CKAP5: variants seen among roughly 807,000 people sequenced by gnomAD.
CKAP5 encodes the protein cytoskeleton-associated protein 5.
A neutral mutation model predicts 232.8 loss-of-function variants in CKAP5; 27 were observed. The ratio of observed to expected loss-of-function variants is 0.12; its 90% CI spans 0.09 to 0.16. The LOEUF (loss-of-function observed/expected upper bound fraction) is 0.16, where lower values mean the gene tolerates loss of function less well. Ranked by LOEUF, CKAP5 falls within the 10% of genes least tolerant of loss-of-function variation. The pLI is 1.00. For synonymous variants in CKAP5, 785 were observed against 841.1 expected, an observed-to-expected ratio of 0.93 and a Z score of 1.16; for missense variants, 1,838 against 2,424.7, an observed-to-expected ratio of 0.76 and a Z score of 5.08.
Position 46,776,222 on chromosome 11 carries a change from G to A in CKAP5, c.2991+33C>T, listed in dbSNP as rs370071039. ...AAGCCCCTATGGAAGTAAATGACATGAGTAATGCACATGATTAATTTATGA... is the reference window on the plus strand; with the variant it reads ...AAGCCCCTATGGAAGTAAATGACATAAGTAATGCACATGATTAATTTATGA... On this transcript the variant is annotated intron_variant, in intron 24 of 43. Transcript: ENST00000529230. 6 of 1,601,402 alleles carry A rather than the reference G, an allele frequency of 3.7e-6. No individual in the cohort carries two copies. In the African/African-American group the frequency reaches 4.0e-5, roughly 11 times the overall value.
intron 1 of CKAP5, among the ~76,000 whole-genome samples, chr11:46,836,516 C>T (rs1483108244): frequency 1.3e-5 from 2 of 151,924 alleles, no homozygotes; most frequent in African/African-American, 4.8e-5. Context: ...AGTTTGAGAC[C>T]AGCCTGGTCA....
intron 8 of CKAP5, among the ~76,000 whole-genome samples, chr11:46,805,264 G>GA (rs1402247315): frequency 1.3e-5 from 2 of 151,344 alleles, no homozygotes; most frequent in Non-Finnish European, 3.0e-5. Flanking sequence ...AAAAATAATA[G>GA]AAAAAAAAGA....
At chr11:46,830,440 C>CAAAAAAAA (rs71042623) in intron 1 of CKAP5, among the ~76,000 whole-genome samples, 1 of 67,932 alleles carries the variant, frequency 1.5e-5, no homozygotes, top group African/African-American at 5.7e-5. Flanking sequence ...GACTCCGTCT[C>CAAAAAAAA]AAAAAAAAAA....
At chr11:46,820,560 G>A (rs1939502409) in intron 2 of CKAP5, 1 of 152,058 alleles carries the variant, frequency 6.6e-6, no homozygotes, top group African/African-American at 2.4e-5. Flanking sequence ...AAATTTACAA[G>A]AAGAAATGAA....
Position 46,767,563 on chromosome 11 carries a change from G to A in CKAP5, c.3411+12C>T. On this transcript the variant is annotated intron_variant, in intron 27 of 43. Transcript: ENST00000529230. ...AAGCAAGTCTACATCGAAGTATACA[G>A]AGTTAACATACCTTTGCTTTAGAGG... 6.4e-7 allele frequency: 1 copy of A among 1,573,552 alleles called. No homozygotes were observed.
At chr11:46,770,218 A>T (rs958811770) in intron 25 of CKAP5, 120 bp from the exon 26 acceptor site, 2 of 987,180 alleles carry the variant, frequency 2.0e-6, no homozygotes, top group Non-Finnish European at 3.1e-6. Context: ...AATACCACTG[A>T]AGTAAGGGAG....
At chr11:46,796,030 T>C (rs537748606) in intron 12 of CKAP5, among the ~76,000 whole-genome samples, 1 of 152,112 alleles carries the variant, frequency 6.6e-6, no homozygotes, top group East Asian at 1.9e-4. Flanking sequence ...CCGGGCGTGG[T>C]GGCAGGCGCC....
chr11:46,809,178 A>G (rs1939220742), intron 7 of CKAP5, among the ~76,000 whole-genome samples: 1 of 152,114 alleles, frequency 6.6e-6, no homozygotes, highest in African/African-American at 2.4e-5. Context: ...GGAAGTCAAG[A>G]ATGTTCTGGT....
At chr11:46,781,979 C>T (rs1444776226) in intron 18 of CKAP5, among the ~76,000 whole-genome samples, 1 of 152,104 alleles carries the variant, frequency 6.6e-6, no homozygotes, top group Admixed American at 6.6e-5. Context: ...GCGTACACCA[C>T]CACACCCAGC....
Position 46,776,909 on chromosome 11 carries a change from G to A in CKAP5, c.2863-526C>T, listed in dbSNP as rs143086073. Among the ~76,000 whole-genome samples the A allele has an allele frequency of 2.0e-3, 301 of 151,920 alleles. 1 individual carries two copies. The highest frequency in any genetic ancestry group is 3.0e-3 in the Non-Finnish European group (201 of 67,962). ...AGAGATATTCAAATATTTAGTCTAC[G>A]GCTAAACATTGTAACCTTCAATGAT... On this transcript the variant is annotated intron_variant, in intron 23 of 43. Coordinates refer to ENST00000529230, the MANE Select transcript of CKAP5 (RefSeq NM_001008938.4).
intron 31 of CKAP5, 37 bp downstream of exon 31, chr11:46,762,590 C>G: frequency 6.2e-7 from 1 of 1,611,864 alleles, no homozygotes; most frequent in Non-Finnish European, 8.5e-7. Context: ...GCTACTGCTG[C>G]AGAGATTCAC....
intron 15 of CKAP5, 125 bp downstream of exon 15, chr11:46,789,951 T>C: frequency 1.7e-6 from 1 of 591,888 alleles, no homozygotes; most frequent in Non-Finnish European, 3.0e-6. Context: ...ACCTCATCTT[T>C]AATGCCATAA....
At chr11:46,797,751 A>C (rs950538259) in intron 11 of CKAP5, 54 bp downstream of exon 11, 147 of 1,532,622 alleles carry the variant, frequency 9.6e-5, no homozygotes, top group Middle Eastern at 1.7e-4. Context: ...ATTTGCAGGA[A>C]AAGAATCTTG....
At chr11:46,798,358 T>TGAGGCAAGGAGTTCAAGACCAGCC (rs1938941905) in intron 9 of CKAP5, among the ~76,000 whole-genome samples, 186 bp from the exon 10 acceptor site, 1 of 152,022 alleles carries the variant, frequency 6.6e-6, no homozygotes, top group South Asian at 2.1e-4. Context: ...GTGGGTTGCT[T>TGAGGCAAGGAGTTCAAGACCAGCC]GAGGCAAGGA....
At chr11:46,798,008 T>A in intron 10 of CKAP5, 39 bp from the exon 11 acceptor site, 1 of 1,605,340 alleles carries the variant, frequency 6.2e-7, no homozygotes, top group Non-Finnish European at 8.5e-7. Context: ...TTTTTTCAAT[T>A]GTAAAGAACA....
chr11:46,772,747 T>C (rs28825976), intron 24 of CKAP5, among the ~76,000 whole-genome samples: 1 of 151,200 alleles, frequency 6.6e-6, no homozygotes, highest in South Asian at 2.1e-4. Flanking sequence ...TTTTTTTTTG[T>C]TTTTTTGTTT....
chr11:46,755,112 C>T (rs751385472), intron 35 of CKAP5, 45 bp from the exon 36 acceptor site: 1 of 1,473,414 alleles, frequency 6.8e-7, no homozygotes, highest in Non-Finnish European at 9.2e-7. Flanking sequence ...CTTCATACTT[C>T]TAAAATAGCG....
chr11:46,745,579 T>C (rs1374573903), intron 42 of CKAP5, among the ~76,000 whole-genome samples: 2 of 152,200 alleles, frequency 1.3e-5, no homozygotes, highest in Non-Finnish European at 2.9e-5. Context: ...TATGTTTACA[T>C]GTGGCATACT....
At chr11:46,785,378 T>C (rs577853359) in intron 16 of CKAP5, among the ~76,000 whole-genome samples, 2 of 152,268 alleles carry the variant, frequency 1.3e-5, no homozygotes, top group East Asian at 1.9e-4. Flanking sequence ...CAGGCTGGAG[T>C]GCAGTGGTGA....
Sources: gnomAD v4.1 joint callset for allele counts (sites outside exome capture counted in the v4.1 genomes callset) on GRCh38, gnomAD v4.1.1 for gene constraint, MANE v1.5 for transcripts, NCBI Gene and HGNC (gene_info 2026-07-23, HGNC 2026-07-21) for gene names.